RUNDC3B: variants seen among roughly 807,000 people sequenced by gnomAD.
RUNDC3B encodes RUN domain containing 3B, also known as RUN domain-containing protein 3B.
A neutral mutation model predicts 58.4 loss-of-function variants in RUNDC3B; 33 were observed. That is an observed-to-expected ratio of 0.56 (90% CI 0.43 to 0.75). The LOEUF (loss-of-function observed/expected upper bound fraction) is 0.75. Ranked by LOEUF, RUNDC3B falls within the 30% of genes least tolerant of loss-of-function variation. The pLI, the probability that RUNDC3B is intolerant of heterozygous loss-of-function variation, is 0.00. For missense variants in RUNDC3B, 501 were observed against 535.7 expected (o/e 0.94, Z 0.64); for synonymous variants, 193 against 195.2 (o/e 0.99, Z 0.10).
intron 6 of RUNDC3B, among the ~76,000 whole-genome samples, chr7:87,760,785 G>A (rs1833636697): frequency 6.6e-6 from 1 of 152,020 alleles, no homozygotes; most frequent in African/African-American, 2.4e-5. Context: ...ATGCAAATGA[G>A]TGAATTTAGA....
chr7:87,820,445 A>G (rs1186301105), intron 10 of RUNDC3B, among the ~76,000 whole-genome samples: 1 of 152,220 alleles, frequency 6.6e-6, no homozygotes, highest in Non-Finnish European at 1.5e-5. Context: ...TCACAGCTGA[A>G]TTCTACCAGA....
chr7:87,688,650 T>G (rs1211271815), intron 2 of RUNDC3B, among the ~76,000 whole-genome samples: 2 of 152,014 alleles, frequency 1.3e-5, no homozygotes, highest in Non-Finnish European at 2.9e-5. Context: ...TTTGTACTTA[T>G]TTTTCATTTG....
chr7:87,733,805 T>C (rs774225599), intron 4 of RUNDC3B, among the ~76,000 whole-genome samples: 10 of 152,174 alleles, frequency 6.6e-5, no homozygotes, highest in Non-Finnish European at 1.0e-4. Context: ...GGTGATAATG[T>C]TCACTGGCCC....
intron 8 of RUNDC3B, 35 bp from the exon 9 acceptor site, chr7:87,807,329 TAGAACAGTG>T: frequency 6.2e-7 from 1 of 1,603,296 alleles, no homozygotes; most frequent in South Asian, 1.1e-5. Flanking sequence ...TCTGCCATTG[TAGAACAGTG>T]AAGACAAAAG....
In RUNDC3B at chr7:87,749,283, G is replaced by A. The variant is rs889712519; in HGVS notation, c.629+7704G>A. Among the ~76,000 whole-genome samples the A allele has an allele frequency of 1.0e-3, 153 of 152,256 alleles. 1 individual carries two copies. Among genetic ancestry groups the A allele is most frequent in the African/African-American group, 3.5e-3 (145 of 41,558 alleles). On this transcript the variant is annotated intron_variant, in intron 6 of 10. Coordinates refer to ENST00000394654, the MANE Select transcript of RUNDC3B (RefSeq NM_001134405.2). ...CAGTGTTTTTGAAAGGTACAATAAT[G>A]GAACTTTCTCATGATGTACCATCAT...
intron 6 of RUNDC3B, among the ~76,000 whole-genome samples, chr7:87,749,140 G>T (rs185260517): frequency 6.6e-6 from 1 of 152,302 alleles, no homozygotes; most frequent in East Asian, 1.9e-4. Flanking sequence ...TAATCAATAT[G>T]TAGGTAGTAA....
At chr7:87,799,468 A>T (rs1402370194) in intron 8 of RUNDC3B, among the ~76,000 whole-genome samples, 1 of 152,128 alleles carries the variant, frequency 6.6e-6, no homozygotes, top group Non-Finnish European at 1.5e-5. Context: ...TTCCATTAAC[A>T]TAAAATTCTA....
intron 2 of RUNDC3B, among the ~76,000 whole-genome samples, chr7:87,677,325 ATTT>A (rs1826473649): frequency 6.8e-6 from 1 of 147,662 alleles, no homozygotes; most frequent in African/African-American, 2.6e-5. Flanking sequence ...ATGGAATACC[ATTT>A]CAGATTTAAA....
At chr7:87,773,377 G>C (rs189572686) in intron 7 of RUNDC3B, among the ~76,000 whole-genome samples, 1 of 151,068 alleles carries the variant, frequency 6.6e-6, no homozygotes, top group Non-Finnish European at 1.5e-5. Context: ...ATCAGTGCTG[G>C]ACTTACATAT....
intron 3 of RUNDC3B, among the ~76,000 whole-genome samples, chr7:87,703,329 G>T (rs1035350455): frequency 6.6e-6 from 1 of 151,710 alleles, no homozygotes; most frequent in Non-Finnish European, 1.5e-5. Flanking sequence ...TTGTAAGCAC[G>T]AACTGAGTAT....
rs1554445753 is a variant in RUNDC3B, at chr7:87,628,626, G to GTGTGT, written c.-198_-197insTGTGT. On this transcript the variant is annotated 5_prime_UTR_variant, in exon 1 of 11. Coordinates refer to ENST00000394654, the MANE Select transcript of RUNDC3B (RefSeq NM_001134405.2). ...GTGTGTGTGTGTGTGTGTGTGTGTG[G>GTGTGT]AGCTCGGGTGCCAAGGGCGAGCCGT... The GTGTGT allele has an allele frequency of 8.7e-6, 3 of 345,526 alleles. No individual in the cohort carries two copies. In the Admixed American group the frequency reaches 1.5e-4, roughly 17 times the overall value. The allele number at this position is 345,526 out of a possible 1,614,324, so 21.4% of individuals were successfully genotyped here.
intron 3 of RUNDC3B, among the ~76,000 whole-genome samples, chr7:87,708,220 A>T (rs1289213429): frequency 6.6e-6 from 1 of 152,150 alleles, no homozygotes; most frequent in Non-Finnish European, 1.5e-5. Flanking sequence ...TTTTAAAAAG[A>T]TTAATGCAGT....
chr7:87,798,727 T>C (rs1358788704), intron 8 of RUNDC3B, among the ~76,000 whole-genome samples: 1 of 152,212 alleles, frequency 6.6e-6, no homozygotes, highest in African/African-American at 2.4e-5. Flanking sequence ...TGTCTCTTTC[T>C]TCTTAAAGGA....
chr7:87,675,735 TATATC>T (rs1484050335), intron 2 of RUNDC3B, among the ~76,000 whole-genome samples: 1 of 150,938 alleles, frequency 6.6e-6, no homozygotes, highest in Non-Finnish European at 1.5e-5. Context: ...ACCTTTCTCT[TATATC>T]ATACACAAAA....
At chr7:87,791,070 AG>A (rs1173619544) in intron 8 of RUNDC3B, among the ~76,000 whole-genome samples, 1 of 152,162 alleles carries the variant, frequency 6.6e-6, no homozygotes, top group African/African-American at 2.4e-5. Context: ...GGATAAAGAA[AG>A]GGTCCTAAAA....
At chr7:87,709,436 A>G (rs1451267714) in intron 3 of RUNDC3B, 13 of 985,172 alleles carry the variant, frequency 1.3e-5, no homozygotes, top group Non-Finnish European at 1.4e-5. Flanking sequence ...AGCTAACTGC[A>G]GGTTCCCCTA....
At chr7:87,693,990 G>T in intron 2 of RUNDC3B, 1 of 1,610,554 alleles carries the variant, frequency 6.2e-7, no homozygotes, top group South Asian at 1.1e-5. Context: ...TCCCGCCACT[G>T]AGCTGCACGG....
intron 8 of RUNDC3B, among the ~76,000 whole-genome samples, chr7:87,802,453 G>A (rs1211839564): frequency 6.6e-6 from 1 of 151,980 alleles, no homozygotes; most frequent in African/African-American, 2.4e-5. Flanking sequence ...GGGAAAGTGG[G>A]TAAATGGACA....
intron 3 of RUNDC3B, among the ~76,000 whole-genome samples, chr7:87,709,077 TAAAGA>T (rs913993259): frequency 2.6e-5 from 4 of 152,334 alleles, no homozygotes; most frequent in African/African-American, 7.2e-5. Context: ...GTTCCTTTGT[TAAAGA>T]AAAGAAACCA....
Sources: allele counts gnomAD v4.1 joint callset (sites outside exome capture counted in the v4.1 genomes callset), GRCh38; gene constraint gnomAD v4.1.1; transcripts MANE v1.5; gene names NCBI Gene and HGNC (gene_info 2026-07-23, HGNC 2026-07-21).